Variants in SLC24A2 observed in about 807,000 individuals in gnomAD.
SLC24A2 encodes the protein sodium/potassium/calcium exchanger 2.
A neutral mutation model predicts 62.0 loss-of-function variants in SLC24A2; 36 were observed. That is an observed-to-expected ratio of 0.58 (90% CI 0.44 to 0.77). The LOEUF is 0.77. Ranked by LOEUF, SLC24A2 falls within the 30% of genes least tolerant of loss-of-function variation. The pLI is 0.00. For missense variants in SLC24A2, 846 were observed against 817.9 expected (o/e 1.03, Z -0.42); for synonymous variants, 358 against 294.0 (o/e 1.22, Z -2.23).
chr9:19,700,525 G>C (rs748436085), intron 2 of SLC24A2, among the ~76,000 whole-genome samples: 2 of 152,146 alleles, frequency 1.3e-5, no homozygotes, highest in Non-Finnish European at 2.9e-5. Context: ...AAAGTAAGCA[G>C]AACTTGGGAA....
chr9:19,960,950 G>C, the SLC24A2 span, among the ~76,000 whole-genome samples: 1 of 151,804 alleles, frequency 6.6e-6, no homozygotes, highest in Non-Finnish European at 1.5e-5. Flanking sequence ...CAACTACTTA[G>C]AGCTACTCTG....
the SLC24A2 span, among the ~76,000 whole-genome samples, chr9:19,938,401 G>T: frequency 6.6e-6 from 1 of 152,060 alleles, no homozygotes; most frequent in African/African-American, 2.4e-5. Context: ...AACTTACATG[G>T]ACAATAGTTT....
intron 2 of SLC24A2, among the ~76,000 whole-genome samples, chr9:19,768,049 C>T (rs867922006): frequency 2.0e-5 from 3 of 152,050 alleles, no homozygotes; most frequent in African/African-American, 7.2e-5. Flanking sequence ...GTTCCATTCC[C>T]ACAATAACCC....
chr9:19,876,754 C>T, the SLC24A2 span, among the ~76,000 whole-genome samples: 1 of 152,064 alleles, frequency 6.6e-6, no homozygotes, highest in Admixed American at 6.6e-5. Flanking sequence ...TCTTATGGGA[C>T]ACCTTGAAAC....
chr9:20,041,194 G>C, the SLC24A2 span, among the ~76,000 whole-genome samples: 1 of 87,140 alleles, frequency 1.1e-5, no homozygotes, highest in Non-Finnish European at 2.1e-5. Context: ...GCATGCATGA[G>C]AAAAAGAAAG....
the SLC24A2 span, among the ~76,000 whole-genome samples, chr9:20,236,038 G>C: frequency 6.6e-6 from 1 of 152,276 alleles, no homozygotes; most frequent in South Asian, 2.1e-4. Flanking sequence ...AATAATCCAA[G>C]AGAAATAACT....
intron 7 of SLC24A2, among the ~76,000 whole-genome samples, chr9:19,561,004 C>T (rs763491126): frequency 1.3e-5 from 2 of 151,956 alleles, no homozygotes; most frequent in Non-Finnish European, 2.9e-5. Context: ...TGGCTCACTG[C>T]AACCTCCGCC....
chr9:19,509,161 C>T lies in SLC24A2; in HGVS notation c.*6992G>A, dbSNP rs950999511. The T allele has an allele frequency of 6.6e-6, 1 of 151,984 alleles. No individual in the cohort carries two copies. Among genetic ancestry groups the T allele is most frequent in the African/African-American group, 2.4e-5 (1 of 41,364 alleles). 9.4% of individuals were successfully genotyped at this position (151,984 alleles called of 1,614,324 possible). A position where few individuals can be genotyped will look rare whatever the true frequency, so the allele number is the denominator to read the frequency against. On this transcript the variant is annotated 3_prime_UTR_variant, in exon 11 of 11. Coordinates refer to ENST00000341998, the MANE Select transcript of SLC24A2 (RefSeq NM_020344.4). ...TCATTTTCCATATGGGTGAACTTTG[C>T]TTTATATAACAAAATGGATTCCTGA...
At chr9:20,220,204 A>G in the SLC24A2 span, among the ~76,000 whole-genome samples, 1 of 152,016 alleles carries the variant, frequency 6.6e-6, no homozygotes, top group Admixed American at 6.6e-5. Flanking sequence ...TAGGTCAATG[A>G]CTGCAACCTA....
At chr9:19,773,760 A>G (rs1226391260) in intron 2 of SLC24A2, among the ~76,000 whole-genome samples, 1 of 152,228 alleles carries the variant, frequency 6.6e-6, no homozygotes, top group Non-Finnish European at 1.5e-5. Flanking sequence ...AACCAACATC[A>G]GTCACAGGTA....
chr9:20,090,812 A>T, the SLC24A2 span, among the ~76,000 whole-genome samples: 1 of 152,214 alleles, frequency 6.6e-6, no homozygotes, highest in Non-Finnish European at 1.5e-5. Context: ...GATGTCCTCC[A>T]AACAACTGTA....
At chr9:19,845,076 T>G in the SLC24A2 span, among the ~76,000 whole-genome samples, 1 of 152,066 alleles carries the variant, frequency 6.6e-6, no homozygotes, top group Non-Finnish European at 1.5e-5. Flanking sequence ...TTGATAGGAA[T>G]AGCATTGAAT....
At chr9:19,829,765 A>ATG in the SLC24A2 span, among the ~76,000 whole-genome samples, 932 of 56,826 alleles carry the variant, frequency 0.016, 11 homozygotes, top group South Asian at 0.035. Flanking sequence ...TTATATATAT[A>ATG]TGTGTGTGTG....
chr9:20,055,412 C>A, the SLC24A2 span, among the ~76,000 whole-genome samples: 2 of 152,154 alleles, frequency 1.3e-5, no homozygotes, highest in African/African-American at 4.8e-5. Context: ...CTGTCCAAAT[C>A]ATCTTATAAA....
At position 19,550,164 on chromosome 9, in the gene SLC24A2, CCAGAG is replaced by C; in HGVS notation, c.1447_1451del (p.Leu483AspfsTer5). 6.2e-7 allele frequency: 1 copy of C among 1,614,034 alleles called. No homozygotes were observed. The highest frequency in any genetic ancestry group is 8.5e-7 in the Non-Finnish European group (1 of 1,179,976). On this transcript the variant is annotated frameshift_variant, in exon 8 of 11. Transcript: ENST00000341998. LOFTEE classifies it high-confidence loss of function. Reference sequence around the variant, plus strand: ...GTTTGCGAACGTCAGGTAACGTAATCCAGAGAGGAAACACTATGGGGAAAACAATC... The same window carrying C: ...GTTTGCGAACGTCAGGTAACGTAATCAGGAAACACTATGGGGAAAACAATC...
chr9:20,087,875 C>A, the SLC24A2 span, among the ~76,000 whole-genome samples: 82 of 151,920 alleles, frequency 5.4e-4, no homozygotes, highest in African/African-American at 1.9e-3. Context: ...TACCTGGGAG[C>A]AACATGGATC....
intron 8 of SLC24A2, among the ~76,000 whole-genome samples, chr9:19,549,872 TATG>T (rs1390945175): frequency 6.6e-6 from 1 of 152,230 alleles, no homozygotes; most frequent in African/African-American, 2.4e-5. Flanking sequence ...GGTAGTTTGT[TATG>T]CAGATTTGAT....
At chr9:20,114,154 T>C in the SLC24A2 span, among the ~76,000 whole-genome samples, 1 of 151,954 alleles carries the variant, frequency 6.6e-6, no homozygotes, top group Non-Finnish European at 1.5e-5. Flanking sequence ...GAAAGAGTGG[T>C]CCAAAGATCT....
At chr9:19,816,261 A>G in the SLC24A2 span, among the ~76,000 whole-genome samples, 3 of 151,930 alleles carry the variant, frequency 2.0e-5, no homozygotes, top group African/African-American at 7.3e-5. Flanking sequence ...TTACTCCACT[A>G]TCCCCTAGGA....
Sources: allele counts gnomAD v4.1 joint callset (sites outside exome capture counted in the v4.1 genomes callset), GRCh38; gene constraint gnomAD v4.1.1; transcripts MANE v1.5; gene names NCBI Gene and HGNC (gene_info 2026-07-23, HGNC 2026-07-21).